The following ARHGAP26 variants were observed in gnomAD, a reference collection of about 807,000 sequenced individuals.
The protein encoded by ARHGAP26 is rho GTPase-activating protein 26.
Under a neutral mutation model 104.8 loss-of-function variants are expected in ARHGAP26, and 38 were observed. That is an observed-to-expected ratio of 0.36 (90% CI 0.28 to 0.48). ARHGAP26 has a LOEUF of 0.48. Among genes scored for constraint, ARHGAP26 ranks in the 20% least tolerant of loss-of-function variants. ARHGAP26 has a pLI of 0.99. For synonymous variants in ARHGAP26, 341 were observed against 340.0 expected, an observed-to-expected ratio of 1.00 and a Z score of -0.03; for missense variants, 704 against 947.9, an observed-to-expected ratio of 0.74 and a Z score of 3.38.
chr5:142,989,530 G>T (rs907235097), intron 11 of ARHGAP26, among the ~76,000 whole-genome samples: 2 of 152,158 alleles, frequency 1.3e-5, no homozygotes, highest in African/African-American at 4.8e-5. Context: ...GATGTTAGCT[G>T]GTTATTTTGC....
intron 11 of ARHGAP26, among the ~76,000 whole-genome samples, chr5:142,981,105 C>A (rs965209766): frequency 5.9e-5 from 9 of 152,050 alleles, no homozygotes; most frequent in African/African-American, 2.2e-4. Flanking sequence ...TTATGAACAT[C>A]AAAAGTCATC....
intron 7 of ARHGAP26, 137 bp from the exon 8 acceptor site, chr5:142,903,403 A>C: frequency 1.2e-6 from 1 of 850,544 alleles, no homozygotes; most frequent in Non-Finnish European, 1.8e-6. Flanking sequence ...ACTTGTCATA[A>C]GGGAGTATTT....
At chr5:142,883,211 C>G (rs556132022) in intron 4 of ARHGAP26, among the ~76,000 whole-genome samples, 7 of 152,310 alleles carry the variant, frequency 4.6e-5, no homozygotes, top group African/African-American at 1.7e-4. Flanking sequence ...CTCATGTTCC[C>G]TGGCCTTTTC....
chr5:142,796,788 C>T (rs1465087483), intron 1 of ARHGAP26, among the ~76,000 whole-genome samples: 1 of 152,226 alleles, frequency 6.6e-6, no homozygotes, highest in African/African-American at 2.4e-5. Flanking sequence ...GGTTTCCCAG[C>T]ATCAGTCCAC....
At position 143,028,407 on chromosome 5, in the gene ARHGAP26, G is replaced by A. The variant is rs1047243879; in HGVS notation, c.1145-8789G>A. On this transcript the variant is annotated intron_variant, in intron 12 of 22. Transcript: ENST00000645722. ...GTATTATCCCTCATTACACTCATTAGTGTGAAAACACAGTAGTTATGAGTA... is the reference window on the plus strand; with the variant it reads ...GTATTATCCCTCATTACACTCATTAATGTGAAAACACAGTAGTTATGAGTA... Among the ~76,000 whole-genome samples the A allele has an allele frequency of 2.4e-4, 37 of 152,282 alleles. 1 individual carries two copies. Among genetic ancestry groups the A allele is most frequent in the South Asian group, 2.3e-3 (11 of 4,826 alleles).
intron 20 of ARHGAP26, among the ~76,000 whole-genome samples, chr5:143,200,723 A>G (rs373031025): frequency 6.6e-6 from 1 of 152,316 alleles, no homozygotes; most frequent in East Asian, 1.9e-4. Context: ...GGCCGTCAGT[A>G]ATTTTCATTA....
At chr5:143,054,294 A>G (rs905226605) in intron 14 of ARHGAP26, 145 bp from the exon 15 acceptor site, 1 of 549,914 alleles carries the variant, frequency 1.8e-6, no homozygotes, top group East Asian at 2.9e-5. Context: ...ACATTTTCCT[A>G]ATTTAATAGG....
At chr5:142,800,701 A>G (rs1288014673) in intron 1 of ARHGAP26, among the ~76,000 whole-genome samples, 1 of 152,108 alleles carries the variant, frequency 6.6e-6, no homozygotes, top group Non-Finnish European at 1.5e-5. Context: ...GTGCTTTGTT[A>G]ATAGACCTGC....
chr5:143,186,422 C>T (rs1198426340), intron 20 of ARHGAP26, among the ~76,000 whole-genome samples: 2 of 152,188 alleles, frequency 1.3e-5, no homozygotes, highest in Non-Finnish European at 2.9e-5. Context: ...TCAGACTCCT[C>T]ACTATGCCAC....
chr5:143,060,678 A>G (rs1350743152), intron 17 of ARHGAP26, among the ~76,000 whole-genome samples: 3 of 151,930 alleles, frequency 2.0e-5, no homozygotes, highest in African/African-American at 7.3e-5. Context: ...ATGTGCCTCA[A>G]AGCATGGTTA....
At chr5:142,901,626 G>A (rs1760355185) in intron 6 of ARHGAP26, among the ~76,000 whole-genome samples, 1 of 152,228 alleles carries the variant, frequency 6.6e-6, no homozygotes, top group Non-Finnish European at 1.5e-5. Context: ...TTGATGCCAA[G>A]GAGACCTGGT....
chr5:142,832,377 GCT>G (rs144049219), intron 1 of ARHGAP26, among the ~76,000 whole-genome samples: 22 of 149,770 alleles, frequency 1.5e-4, no homozygotes, highest in South Asian at 2.1e-4. Flanking sequence ...CCGAGAGCAG[GCT>G]CTCTCTCTCT....
At chr5:143,142,467 A>G (rs1264080989) in intron 19 of ARHGAP26, among the ~76,000 whole-genome samples, 4 of 151,472 alleles carry the variant, frequency 2.6e-5, no homozygotes, top group Admixed American at 1.3e-4. Flanking sequence ...TATAGAGTCT[A>G]TCATCACCCA....
chr5:142,901,823 T>G, intron 6 of ARHGAP26, 112 bp from the exon 7 acceptor site: 4 of 796,338 alleles, frequency 5.0e-6, no homozygotes, highest in Non-Finnish European at 8.1e-6. Flanking sequence ...ATGTCAGCCA[T>G]TATTATTCTT....
intron 14 of ARHGAP26, among the ~76,000 whole-genome samples, chr5:143,047,714 T>G (rs2150194361): frequency 6.6e-6 from 1 of 152,346 alleles, no homozygotes; most frequent in East Asian, 1.9e-4. Flanking sequence ...GGTTAGACTG[T>G]TTACATATTT....
At chr5:143,164,935 A>G (rs1305705460) in intron 20 of ARHGAP26, 2 of 152,212 alleles carry the variant, frequency 1.3e-5, no homozygotes, top group African/African-American at 2.4e-5. Context: ...GGGCCTCAAA[A>G]GAGAAGAGCA....
chr5:142,894,156 A>ATTTTTTTTTTTT, intron 5 of ARHGAP26, 82 bp from the exon 6 acceptor site: 10 of 1,034,070 alleles, frequency 9.7e-6, no homozygotes, highest in Admixed American at 4.8e-5. Flanking sequence ...ATCTCCCGAG[A>ATTTTTTTTTTTT]TTTTTTTTTT....
At chr5:142,839,209 G>A (rs1770228186) in intron 1 of ARHGAP26, among the ~76,000 whole-genome samples, 1 of 151,998 alleles carries the variant, frequency 6.6e-6, no homozygotes, top group African/African-American at 2.4e-5. Context: ...TGAGTTTACT[G>A]GGTTTGAGTC....
intron 11 of ARHGAP26, among the ~76,000 whole-genome samples, chr5:143,010,179 G>GT (rs1778546406): frequency 1.3e-5 from 2 of 152,154 alleles, no homozygotes; most frequent in Non-Finnish European, 1.5e-5. Flanking sequence ...AGTATAGAAG[G>GT]TATTTATGAA....
Sources: gnomAD v4.1 joint callset for allele counts (sites outside exome capture counted in the v4.1 genomes callset) on GRCh38, gnomAD v4.1.1 for gene constraint, MANE v1.5 for transcripts, NCBI Gene and HGNC (gene_info 2026-07-23, HGNC 2026-07-21) for gene names.